Variants in KCNK2 observed in about 807,000 individuals in gnomAD.
KCNK2 encodes the protein potassium two pore domain channel subfamily K member 2, also known as potassium channel subfamily K member 2.
Under a neutral mutation model 40.5 loss-of-function variants are expected in KCNK2, and 21 were observed. That is an observed-to-expected ratio of 0.52 (90% CI 0.37 to 0.75). The LOEUF is 0.75. KCNK2 is among the 30% of genes least tolerant of loss of function. The pLI is 0.00. For synonymous variants in KCNK2, 191 were observed against 202.2 expected (o/e 0.94, Z 0.47); for missense variants, 399 against 531.6 (o/e 0.75, Z 2.45).
chr1:215,130,505 C>T (rs1477022393), intron 3 of KCNK2, among the ~76,000 whole-genome samples: 1 of 152,124 alleles, frequency 6.6e-6, no homozygotes, highest in Non-Finnish European at 1.5e-5. Context: ...TTGCAGTTGG[C>T]CAGGCAGAAA....
chr1:215,210,092 T>C (rs553363759), intron 6 of KCNK2, among the ~76,000 whole-genome samples: 15 of 70,382 alleles, frequency 2.1e-4, no homozygotes, highest in Non-Finnish European at 5.2e-5. Context: ...ATGCTATATA[T>C]AAATATATAT....
In KCNK2 at chr1:215,169,048, A is replaced by G. The variant is rs1663577326; in HGVS notation, c.476-151A>G. 8 of 513,040 alleles carry G rather than the reference A, an allele frequency of 1.6e-5. No homozygotes were observed. The South Asian group carries it at 2.4e-4, about 15-fold the overall frequency. 31.8% of individuals were successfully genotyped at this position (513,040 alleles called of 1,614,324 possible). A position where few individuals can be genotyped will look rare whatever the true frequency, so the allele number is the denominator to read the frequency against. On this transcript the variant is annotated intron_variant, in intron 3 of 6. Coordinates refer to ENST00000444842, the MANE Select transcript of KCNK2 (RefSeq NM_001017425.3). ...TTATAAGAATATCTTATATTAGAAC[A>G]TATTACAATAGTATGTAATACAAAC...
At chr1:215,170,841 A>G (rs1477330313) in intron 4 of KCNK2, among the ~76,000 whole-genome samples, 2 of 152,164 alleles carry the variant, frequency 1.3e-5, no homozygotes, top group East Asian at 3.8e-4. Flanking sequence ...AGTGCCTCCT[A>G]GATGCTGGGT....
intron 1 of KCNK2, among the ~76,000 whole-genome samples, chr1:215,014,242 CA>C (rs1405630450): frequency 2.0e-5 from 3 of 152,046 alleles, no homozygotes; most frequent in African/African-American, 7.2e-5. Context: ...GCCAGCCTTC[CA>C]TTTCCAGGAT....
At chr1:215,070,170 G>A (rs973700192) in intron 1 of KCNK2, among the ~76,000 whole-genome samples, 2 of 151,982 alleles carry the variant, frequency 1.3e-5, no homozygotes, top group Non-Finnish European at 2.9e-5. Context: ...CAGCACTTTG[G>A]GAGGCCGAGG....
chr1:215,234,279 T>C lies in KCNK2; in HGVS notation c.964-549T>C, dbSNP rs552214712. Among the ~76,000 whole-genome samples the C allele has an allele frequency of 1.7e-4, 26 of 152,320 alleles. 1 individual carries two copies. The South Asian group carries it at 5.4e-3, about 32-fold the overall frequency. ...GAATTCCTAAATGACCAGTATGAGG[T>C]TGGATACAACGCTCTTGCACACACC... On this transcript the variant is annotated intron_variant, in intron 6 of 6. Coordinates refer to ENST00000444842, the MANE Select transcript of KCNK2 (RefSeq NM_001017425.3).
At chr1:215,005,841 GA>G, upstream of KCNK2, 1 of 1,338,156 alleles carries the variant, frequency 7.5e-7, no homozygotes, top group Non-Finnish European at 1.1e-6. Flanking sequence ...CTCTGTTTTG[GA>G]AATTACGGAC....
chr1:215,025,894 G>T (rs114875318), intron 1 of KCNK2, among the ~76,000 whole-genome samples: 1 of 152,092 alleles, frequency 6.6e-6, no homozygotes, highest in Non-Finnish European at 1.5e-5. Flanking sequence ...TTGGTCAAAA[G>T]GTTTATGTAT....
intron 4 of KCNK2, 41 bp from the exon 5 acceptor site, chr1:215,171,956 A>G: frequency 1.5e-6 from 2 of 1,347,594 alleles, no homozygotes; most frequent in Admixed American, 2.1e-5. Flanking sequence ...CCATTTATAT[A>G]CATATATATA....
rs1283278722 is a variant in KCNK2 at position 215,176,954 on chromosome 1, A to G, written c.823+4771A>G. Among the ~76,000 whole-genome samples, 3 of 152,226 alleles carry G rather than the reference A, an allele frequency of 2.0e-5. No individual in the cohort carries two copies. In the East Asian group the frequency reaches 5.8e-4, roughly 29 times the overall value. ...GGTTGAACTAATTTACATTTCCACC[A>G]ACAGTGTAAAAGCGTTTTTATTTCT... is the stretch of plus-strand genomic sequence containing the variant. On this transcript the variant is annotated intron_variant, in intron 5 of 6. Transcript: ENST00000444842.
At chr1:215,147,067 T>C (rs982478264) in intron 3 of KCNK2, among the ~76,000 whole-genome samples, 2 of 152,220 alleles carry the variant, frequency 1.3e-5, no homozygotes, top group African/African-American at 2.4e-5. Flanking sequence ...ATCTAATCAA[T>C]ATTGTTCTAT....
chr1:215,070,207 G>C (rs7537267), intron 1 of KCNK2, among the ~76,000 whole-genome samples: 1,912 of 151,268 alleles, frequency 0.013, 40 homozygotes, highest in African/African-American at 0.045. Flanking sequence ...TCAGCAGATC[G>C]TAGGCATCCT....
upstream of KCNK2, chr1:215,005,820 A>C: frequency 1.0e-6 from 1 of 993,530 alleles, no homozygotes; most frequent in Non-Finnish European, 1.6e-6. Flanking sequence ...ATGGCTTGTT[A>C]GTACAAGTGA....
At chr1:215,069,371 C>T (rs1658670474) in intron 1 of KCNK2, among the ~76,000 whole-genome samples, 1 of 152,190 alleles carries the variant, frequency 6.6e-6, no homozygotes, top group Non-Finnish European at 1.5e-5. Flanking sequence ...AATTTGACTC[C>T]TTCTTTTGCA....
chr1:215,206,086 G>A (rs530182459), intron 6 of KCNK2, among the ~76,000 whole-genome samples: 1 of 152,184 alleles, frequency 6.6e-6, no homozygotes, highest in African/African-American at 2.4e-5. Context: ...TTCATGGGCT[G>A]TAAATTCCAG....
At chr1:215,056,615 CTTTTTTTT>C (rs34925678) in intron 1 of KCNK2, among the ~76,000 whole-genome samples, 1 of 103,984 alleles carries the variant, frequency 9.6e-6, no homozygotes, top group Admixed American at 1.3e-4. Context: ...TGTGTCCACT[CTTTTTTTT>C]TTTTTTTTTT....
At chr1:215,103,886 A>T (rs1433761634) in intron 2 of KCNK2, among the ~76,000 whole-genome samples, 1 of 151,960 alleles carries the variant, frequency 6.6e-6, no homozygotes, top group Non-Finnish European at 1.5e-5. Context: ...CTGATTCAGG[A>T]TTAAATTGCT....
At chr1:215,010,153 A>C (rs545841057) in intron 1 of KCNK2, among the ~76,000 whole-genome samples, 1 of 152,286 alleles carries the variant, frequency 6.6e-6, no homozygotes, top group South Asian at 2.1e-4. Context: ...CCTTGGTATG[A>C]ATAAGAGTTT....
At chr1:215,105,683 C>T (rs1660405748) in intron 2 of KCNK2, among the ~76,000 whole-genome samples, 1 of 151,910 alleles carries the variant, frequency 6.6e-6, no homozygotes, top group Non-Finnish European at 1.5e-5. Context: ...CATTACTGAT[C>T]CCATCACCCA....
Sources: gnomAD v4.1 joint callset for allele counts (sites outside exome capture counted in the v4.1 genomes callset) on GRCh38, gnomAD v4.1.1 for gene constraint, MANE v1.5 for transcripts, NCBI Gene and HGNC (gene_info 2026-07-23, HGNC 2026-07-21) for gene names.